The following KDM2A variants were observed in gnomAD, a reference collection of about 807,000 sequenced individuals.
The protein encoded by KDM2A is lysine-specific demethylase 2A.
In KDM2A, 3 loss-of-function variants were observed where a neutral mutation model predicts 137.3. The observed-to-expected ratio is 0.02, with a 90% CI of 0.01 to 0.06. The LOEUF (loss-of-function observed/expected upper bound fraction) is 0.06, where lower values mean the gene tolerates loss of function less well. Ranked by LOEUF, KDM2A falls within the 10% of genes least tolerant of loss-of-function variation. The pLI is 1.00. For missense variants in KDM2A, 738 were observed against 1,510.6 expected (o/e 0.49, Z 8.48); for synonymous variants, 512 against 541.5 (o/e 0.95, Z 0.76).
Position 67,254,501 on chromosome 11 carries a change from C to A in KDM2A, c.3307+83C>A. The A allele has an allele frequency of 8.2e-7, 1 of 1,215,242 alleles. No individual in the cohort carries two copies. Among genetic ancestry groups the A allele is most frequent in the South Asian group, 1.2e-5 (1 of 81,344 alleles). The allele number at this position is 1,215,242 out of a possible 1,614,324, so 75.3% of individuals were successfully genotyped here. A position where few individuals can be genotyped will look rare whatever the true frequency, so the allele number is the denominator to read the frequency against. On this transcript the variant is annotated intron_variant, in intron 20 of 20. Transcript: ENST00000529006. The surrounding 1 kb of genome is among the most constrained non-coding windows in gnomAD (Gnocchi z 4.7). ...AACTTGATCAGTAAACCAGAATGAC[C>A]TTGGGTCTGTTGATTGACCCACATC...
chr11:67,237,881 C>G (rs975820605), intron 12 of KDM2A, among the ~76,000 whole-genome samples: 6 of 151,552 alleles, frequency 4.0e-5, no homozygotes, highest in African/African-American at 1.5e-4. Flanking sequence ...TCATCTACCA[C>G]TGCACTTTAG....
chr11:67,231,694 G>T lies in KDM2A; in HGVS notation c.1213G>T (p.Asp405Tyr), dbSNP rs1194154891. The T allele has an allele frequency of 6.2e-7, 1 of 1,613,954 alleles. No homozygotes were observed. The highest frequency in any genetic ancestry group is 2.2e-5 in the East Asian group (1 of 44,886). Reference sequence around the variant, plus strand: ...AGCGAATGGAGTCAACCTGGATTATGATGGACTGGGCAAAACCTGCCGAAG... The same window carrying T: ...AGCGAATGGAGTCAACCTGGATTATTATGGACTGGGCAAAACCTGCCGAAG... Reference protein sequence around the residue: ...PVANGVNLDYDGLGKTCRSLP... With the variant: ...PVANGVNLDYYGLGKTCRSLP... Residue 405 changes from aspartate to tyrosine, a missense_variant, in exon 12 of 21, where the codon GAT becomes TAT. This residue lies in a region of KDM2A where 113 missense variants were observed against 133.5 expected (regional missense o/e 0.85). Coordinates refer to ENST00000529006, the MANE Select transcript of KDM2A (RefSeq NM_012308.3).
chr11:67,238,727 G>C (rs1858940329), intron 12 of KDM2A, among the ~76,000 whole-genome samples: 1 of 152,196 alleles, frequency 6.6e-6, no homozygotes. Context: ...GAATGCTTAA[G>C]AGCTAGATGC....
intron 2 of KDM2A, among the ~76,000 whole-genome samples, chr11:67,127,741 C>A (rs1287837298): frequency 6.6e-6 from 1 of 151,886 alleles, no homozygotes; most frequent in Non-Finnish European, 1.5e-5. Context: ...GAGTTTTGCT[C>A]TTGTTGCCGA....
At chr11:67,132,660 G>A (rs556537900) in intron 2 of KDM2A, among the ~76,000 whole-genome samples, 14 of 152,192 alleles carry the variant, frequency 9.2e-5, no homozygotes, top group Non-Finnish European at 2.1e-4. Flanking sequence ...TCAGGTCGGG[G>A]TGGTCTAGAA....
At chr11:67,230,952 T>G (rs966000971) in intron 11 of KDM2A, among the ~76,000 whole-genome samples, 7 of 150,684 alleles carry the variant, frequency 4.6e-5, no homozygotes, top group African/African-American at 9.7e-5. Context: ...AGTTTTTTGG[T>G]TTTTTTTTGT....
chr11:67,240,494 C>G (rs764296395), intron 12 of KDM2A: 7 of 774,594 alleles, frequency 9.0e-6, no homozygotes, highest in East Asian at 2.7e-5. Flanking sequence ...TATGTTACTT[C>G]GTGTTGCTTG....
intron 2 of KDM2A, among the ~76,000 whole-genome samples, chr11:67,147,104 G>T (rs1339643281): frequency 2.0e-5 from 3 of 152,122 alleles, no homozygotes; most frequent in South Asian, 2.1e-4. Context: ...TGTCTGCCAT[G>T]TAAGTCCGAT....
chr11:67,161,917 G>T (rs1172303989), intron 2 of KDM2A, among the ~76,000 whole-genome samples: 4 of 151,994 alleles, frequency 2.6e-5, no homozygotes. Context: ...TAAGGTAGTA[G>T]GTTTAATATA....
intron 2 of KDM2A, among the ~76,000 whole-genome samples, chr11:67,135,041 C>A (rs1428139449): frequency 6.6e-6 from 1 of 151,978 alleles, no homozygotes; most frequent in African/African-American, 2.4e-5. Context: ...AGACATCAGT[C>A]ATTAAGCTAC....
intron 12 of KDM2A, among the ~76,000 whole-genome samples, chr11:67,241,762 GT>G (rs936250415): frequency 6.6e-6 from 1 of 152,170 alleles, no homozygotes; most frequent in African/African-American, 2.4e-5. Flanking sequence ...GGTTTCAGGA[GT>G]TTCTGTCTAA....
At position 67,228,157 on chromosome 11, in the gene KDM2A, A is replaced by G. The variant is rs750158434; in HGVS notation, c.1078A>G (p.Ser360Gly). The G allele has an allele frequency of 6.2e-7, 1 of 1,613,916 alleles. No individual in the cohort carries two copies. The highest frequency in any genetic ancestry group is 1.1e-5 in the South Asian group (1 of 91,080). ...TAAGGAATTTCAGAAAGAGTCCCTC[A>G]GCATGGGTAAGTATTCTGCCTATAG... ...LTKEFQKESL[S>G]MDLELNGLES... is the part of the protein sequence containing the mutation. The change falls in exon 11 of 21, where the codon AGC becomes GGC. Residue 360 changes from serine (S) to glycine (G), a missense_variant. Physicochemically the swap from Ser to Gly is moderately conservative, Grantham distance 56. This residue lies in a region of KDM2A where 113 missense variants were observed against 133.5 expected (regional missense o/e 0.85). Coordinates refer to ENST00000529006, the MANE Select transcript of KDM2A (RefSeq NM_012308.3).
chr11:67,254,129 G>A lies in KDM2A; in HGVS notation c.3092-74G>A, dbSNP rs973811559. ...AAGGGGGCCTGGCCAGCAAGTAGCT[G>A]TTGCTGCCTGGAGCCTTGAAGCTGG... is the stretch of plus-strand genomic sequence containing the variant. On this transcript the variant is annotated intron_variant, in intron 19 of 20. Coordinates refer to ENST00000529006, the MANE Select transcript of KDM2A (RefSeq NM_012308.3). The surrounding 1 kb of genome is among the most constrained non-coding windows in gnomAD (Gnocchi z 4.7). 88 of 1,377,216 alleles carry A rather than the reference G, an allele frequency of 6.4e-5. No homozygotes were observed. In the Middle Eastern group the frequency reaches 8.6e-4, roughly 13 times the overall value. The allele number at this position is 1,377,216 out of a possible 1,614,324, so 85.3% of individuals were successfully genotyped here. A position where few individuals can be genotyped will look rare whatever the true frequency, so the allele number is the denominator to read the frequency against.
intron 2 of KDM2A, among the ~76,000 whole-genome samples, chr11:67,137,955 G>C (rs1163760491): frequency 1.3e-5 from 2 of 152,226 alleles, no homozygotes; most frequent in Middle Eastern, 3.4e-3. Flanking sequence ...GTACCACCAT[G>C]CCCGGCTAAT....
At chr11:67,162,709 G>A (rs1590737231) in intron 2 of KDM2A, among the ~76,000 whole-genome samples, 3 of 150,380 alleles carry the variant, frequency 2.0e-5, no homozygotes, top group Admixed American at 6.6e-5. Flanking sequence ...CCCGGCCTGC[G>A]ATTTTTAGTT....
intron 10 of KDM2A, among the ~76,000 whole-genome samples, chr11:67,223,181 A>G (rs1858421450): frequency 6.7e-6 from 1 of 149,196 alleles, no homozygotes. Flanking sequence ...GACAAGAATG[A>G]AACTCCATCT....
chr11:67,255,136 G>T lies in KDM2A; in HGVS notation c.*81G>T. The T allele has an allele frequency of 1.6e-6, 2 of 1,269,436 alleles. No individual in the cohort carries two copies. The highest frequency in any genetic ancestry group is 1.1e-6 in the Non-Finnish European group (1 of 912,498). 78.6% of individuals were successfully genotyped at this position (1,269,436 alleles called of 1,614,324 possible). A position where few individuals can be genotyped will look rare whatever the true frequency, so the allele number is the denominator to read the frequency against. Reference sequence around the variant, plus strand: ...GGAGAGCCTCTCCTCGACCCTGCACGGGCTCTGAGGCCAGCGTCACACTCC... The same window carrying T: ...GGAGAGCCTCTCCTCGACCCTGCACTGGCTCTGAGGCCAGCGTCACACTCC... On this transcript the variant is annotated 3_prime_UTR_variant, in exon 21 of 21. Coordinates refer to ENST00000529006, the MANE Select transcript of KDM2A (RefSeq NM_012308.3).
chr11:67,167,228 G>C (rs1274413295), intron 2 of KDM2A, among the ~76,000 whole-genome samples: 1 of 152,192 alleles, frequency 6.6e-6, no homozygotes, highest in Non-Finnish European at 1.5e-5. Context: ...TCTTCAAGAT[G>C]ATGTTGAGAT....
At chr11:67,176,422 G>A (rs1856974511) in intron 2 of KDM2A, among the ~76,000 whole-genome samples, 1 of 152,142 alleles carries the variant, frequency 6.6e-6, no homozygotes, top group South Asian at 2.1e-4. Flanking sequence ...ACAGATAAAG[G>A]TAGAGTGACT....
Sources: gnomAD v4.1 joint callset for allele counts (sites outside exome capture counted in the v4.1 genomes callset) on GRCh38, gnomAD v4.1.1 for gene constraint, gnomAD v4.1.1 regional missense constraint, Gnocchi (gnomAD v3.1) non-coding constraint, MANE v1.5 for transcripts, NCBI Gene and HGNC (gene_info 2026-07-23, HGNC 2026-07-21) for gene names.